RELN: variants seen among roughly 807,000 people sequenced by gnomAD.
RELN encodes the protein reelin.
Under a neutral mutation model 427.6 loss-of-function variants are expected in RELN, and 108 were observed. The observed-to-expected ratio is 0.25, with a 90% CI of 0.22 to 0.30. The LOEUF (loss-of-function observed/expected upper bound fraction) is 0.30, where lower values mean the gene tolerates loss of function less well. Ranked by LOEUF, RELN falls within the 10% of genes least tolerant of loss-of-function variation. The probability of loss-of-function intolerance (pLI) is 1.00; values close to 1 mark genes in which losing one functional copy is unlikely to be tolerated. For missense variants in RELN, 3,715 were observed against 4,302.8 expected (o/e 0.86, Z 3.82); for synonymous variants, 1,524 against 1,513.4 (o/e 1.01, Z -0.16).
intron 2 of RELN, among the ~76,000 whole-genome samples, chr7:103,834,362 T>C (rs1281094670): frequency 6.6e-6 from 1 of 152,214 alleles, no homozygotes; most frequent in Non-Finnish European, 1.5e-5. Flanking sequence ...CTTAGTCTTG[T>C]CTGTGTTCAG....
chr7:103,623,155 T>G (rs934059456), intron 20 of RELN, among the ~76,000 whole-genome samples: 1 of 152,196 alleles, frequency 6.6e-6, no homozygotes, highest in Non-Finnish European at 1.5e-5. Flanking sequence ...AAGTGACTTT[T>G]CCATTTGCCA....
chr7:103,524,819 T>C (rs1829787883), intron 46 of RELN, among the ~76,000 whole-genome samples: 1 of 152,204 alleles, frequency 6.6e-6, no homozygotes, highest in Non-Finnish European at 1.5e-5. Context: ...AGCGTCTATG[T>C]ACAAACTGGT....
At chr7:103,948,292 C>T (rs913584424) in intron 1 of RELN, among the ~76,000 whole-genome samples, 2 of 152,190 alleles carry the variant, frequency 1.3e-5, no homozygotes, top group African/African-American at 4.8e-5. Context: ...TGCACACACA[C>T]ACATATACTT....
intron 6 of RELN, among the ~76,000 whole-genome samples, chr7:103,746,016 A>G (rs1790815512): frequency 6.6e-6 from 1 of 152,122 alleles, no homozygotes; most frequent in African/African-American, 2.4e-5. Context: ...ACTTCAAACT[A>G]TACTACAAGG....
At chr7:103,501,732 G>C (rs1829036021) in intron 52 of RELN, among the ~76,000 whole-genome samples, 1 of 152,178 alleles carries the variant, frequency 6.6e-6, no homozygotes, top group African/African-American at 2.4e-5. Flanking sequence ...TACAAAAAGA[G>C]AATGGGAGGA....
Position 103,539,067 on chromosome 7 carries a change from G to A in RELN, c.7180+11C>T, listed in dbSNP as rs574858891. 2.5e-5 allele frequency: 41 copies of A among 1,613,714 alleles called. No individual in the cohort carries two copies. The highest frequency in any genetic ancestry group is 6.7e-5 in the Admixed American group (4 of 60,006). ...CATGCCTGTCCCTCTATCTGGAGAC[G>A]GCATACTCACCATAACAAGAGTCTG... On this transcript the variant is annotated intron_variant, in intron 45 of 64. Transcript: ENST00000428762.
At chr7:103,749,565 A>C (rs1375148886) in intron 5 of RELN, 61 bp from the exon 6 acceptor site, 1 of 1,109,364 alleles carries the variant, frequency 9.0e-7, no homozygotes, top group Non-Finnish European at 1.4e-6. Context: ...TTAGCTAAAC[A>C]CAAGTGCCAA....
At chr7:103,581,392 A>G (rs986835395) in intron 28 of RELN, among the ~76,000 whole-genome samples, 9 of 152,146 alleles carry the variant, frequency 5.9e-5, no homozygotes, top group South Asian at 2.1e-4. Context: ...AGGGTAAAGT[A>G]GATTACCTGT....
In RELN at chr7:103,482,883, C is replaced by T. The variant is rs1586467914; in HGVS notation, c.10270G>A (p.Glu3424Lys). 6.2e-7 allele frequency: 1 copy of T among 1,614,146 alleles called. No homozygotes were observed. Among genetic ancestry groups the T allele is most frequent in the East Asian group, 2.2e-5 (1 of 44,874 alleles). ...GHDQWALDHV[E>K]VVLVSTRKQN... The stretch of plus-strand genomic sequence containing the variant: ...GTAATAGATACTCACAGGACGACCT[C>T]CACATGGTCCAAAGCCCATTGATCA... The change falls in exon 63 of 65, where the codon GAG becomes AAG. Residue 3424 changes from glutamate to lysine, a missense_variant. Glu to Lys is a moderately conservative substitution (Grantham distance 56, BLOSUM62 1). This residue lies in a region of RELN where 195 missense variants were observed against 281.3 expected (regional missense o/e 0.69). Transcript: ENST00000428762.
At chr7:103,669,466 A>G (rs1409948104) in intron 11 of RELN, among the ~76,000 whole-genome samples, 1 of 152,170 alleles carries the variant, frequency 6.6e-6, no homozygotes, top group African/African-American at 2.4e-5. Context: ...CCAGAGCTCT[A>G]TCAACTACTG....
At chr7:103,987,620 T>C in intron 1 of RELN, among the ~76,000 whole-genome samples, 1 of 152,168 alleles carries the variant, frequency 6.6e-6, no homozygotes, top group East Asian at 1.9e-4. Flanking sequence ...GAACTTTTGC[T>C]AAGAGTCGCA....
At chr7:103,833,700 A>G (rs1793330165) in intron 2 of RELN, 28 bp from the exon 3 acceptor site, 1 of 1,602,086 alleles carries the variant, frequency 6.2e-7, no homozygotes, top group African/African-American at 1.3e-5. Flanking sequence ...GAGTTGTTAC[A>G]AAGACAACAA....
rs183379226 is a variant in RELN at position 103,692,780 on chromosome 7, T to G, written c.1143+5073A>C. Among the ~76,000 whole-genome samples the G allele has an allele frequency of 3.3e-5, 5 of 151,408 alleles. No individual in the cohort carries two copies. In the East Asian group the frequency reaches 9.7e-4, roughly 29 times the overall value. On this transcript the variant is annotated intron_variant, in intron 10 of 64. Coordinates refer to ENST00000428762, the MANE Select transcript of RELN (RefSeq NM_005045.4). ...ATGACCAGTGGAAAAAGAGTGGCAT[T>G]TTTTTTTTCTGTCACCTGTCCCCAC... is the stretch of plus-strand genomic sequence containing the variant.
chr7:103,679,045 G>C (rs1397480261), intron 11 of RELN, among the ~76,000 whole-genome samples: 3 of 152,110 alleles, frequency 2.0e-5, no homozygotes, highest in African/African-American at 4.8e-5. Flanking sequence ...ACATTAATTA[G>C]ATTTTGTGAC....
chr7:103,938,810 C>T (rs368236435), intron 1 of RELN, among the ~76,000 whole-genome samples: 2 of 152,008 alleles, frequency 1.3e-5, no homozygotes, highest in Non-Finnish European at 2.9e-5. Context: ...GAGCAGCTTT[C>T]GGGAGTAGAT....
intron 45 of RELN, among the ~76,000 whole-genome samples, chr7:103,536,214 C>T (rs371151917): frequency 6.6e-5 from 10 of 152,116 alleles, no homozygotes; most frequent in African/African-American, 1.7e-4. Context: ...TTGAAGGCCA[C>T]GGAATATGTG....
At chr7:103,870,914 T>C (rs1469947757) in intron 2 of RELN, among the ~76,000 whole-genome samples, 1 of 152,128 alleles carries the variant, frequency 6.6e-6, no homozygotes, top group Non-Finnish European at 1.5e-5. Context: ...CCAATTCACC[T>C]GTCTCGAATT....
intron 4 of RELN, among the ~76,000 whole-genome samples, chr7:103,759,663 G>A (rs935340157): frequency 6.6e-6 from 1 of 151,962 alleles, no homozygotes; most frequent in Non-Finnish European, 1.5e-5. Flanking sequence ...GGCCTTCATC[G>A]CGGTATGAGA....
chr7:103,917,087 C>T lies in RELN; in HGVS notation c.325G>A (p.Ala109Thr). 1 of 1,613,372 alleles carries T rather than the reference C, an allele frequency of 6.2e-7. No homozygotes were observed. The highest frequency in any genetic ancestry group is 1.3e-5 in the African/African-American group (1 of 74,988). The change falls in exon 2 of 65, where the codon GCT becomes ACT. Residue 109 changes from alanine to threonine, a missense_variant. Physicochemically the swap from Ala to Thr is moderately conservative, Grantham distance 58 (BLOSUM62 0). Transcript: ENST00000428762. ...QASQSIGGSS[A>T]FGFGIMSDHQ... ...GAGAATAGCTTACCAAATCCGAAAG[C>T]ACTGGAACCTCCAATGCTCTGTGAT...
Sources: gnomAD v4.1 joint callset for allele counts (sites outside exome capture counted in the v4.1 genomes callset) on GRCh38, gnomAD v4.1.1 for gene constraint, gnomAD v4.1.1 regional missense constraint, MANE v1.5 for transcripts, NCBI Gene and HGNC (gene_info 2026-07-23, HGNC 2026-07-21) for gene names.